Variants in ERCC6L2 observed in about 807,000 individuals in gnomAD.
ERCC6L2 encodes the protein ERCC excision repair 6 like 2.
ERCC6L2 carries 77 observed loss-of-function variants against 132.0 expected under a neutral mutation model. The ratio of observed to expected loss-of-function variants is 0.58; its 90% CI spans 0.49 to 0.71. The LOEUF is 0.71. ERCC6L2 is among the 30% of genes least tolerant of loss of function. The pLI, the probability that ERCC6L2 is intolerant of heterozygous loss-of-function variation, is 0.00. For synonymous variants in ERCC6L2, 583 were observed against 632.4 expected (o/e 0.92, Z 1.17); for missense variants, 1,542 against 1,837.6 (o/e 0.84, Z 2.94).
chr9:95,941,390 A>T, intron 11 of ERCC6L2, 64 bp from the exon 12 acceptor site: 6 of 1,179,144 alleles, frequency 5.1e-6, no homozygotes, highest in Non-Finnish European at 7.5e-6. Flanking sequence ...GGCACAGTTG[A>T]GTTATAGCAC....
chr9:95,887,821 T>G (rs543952106), intron 2 of ERCC6L2, among the ~76,000 whole-genome samples: 1 of 152,314 alleles, frequency 6.6e-6, no homozygotes, highest in Admixed American at 6.5e-5. Context: ...TGTTATTCAC[T>G]CAGGAATATA....
At chr9:95,975,041 A>G (rs1205358397) in intron 16 of ERCC6L2, among the ~76,000 whole-genome samples, 1 of 152,122 alleles carries the variant, frequency 6.6e-6, no homozygotes, top group East Asian at 1.9e-4. Context: ...AAATAACAGT[A>G]CTACCTCCAT....
chr9:95,908,676 A>G (rs1162985834), intron 4 of ERCC6L2, among the ~76,000 whole-genome samples: 1 of 152,090 alleles, frequency 6.6e-6, no homozygotes, highest in Non-Finnish European at 1.5e-5. Flanking sequence ...CTTGTAGCCT[A>G]GATTTGTCTC....
intron 19 of ERCC6L2, among the ~76,000 whole-genome samples, chr9:96,026,885 ACAT>A (rs1834378026): frequency 7.8e-6 from 1 of 128,642 alleles, no homozygotes; most frequent in South Asian, 2.6e-4. Flanking sequence ...CACACACCAC[ACAT>A]ACCACAACAC....
intron 19 of ERCC6L2, among the ~76,000 whole-genome samples, chr9:96,029,074 G>A (rs1393337383): frequency 6.6e-6 from 1 of 152,084 alleles, no homozygotes; most frequent in Non-Finnish European, 1.5e-5. Context: ...GGAGGTCAAG[G>A]TGGGCGGATC....
intron 13 of ERCC6L2, among the ~76,000 whole-genome samples, chr9:95,962,196 A>C (rs1342502692): frequency 6.6e-6 from 1 of 152,126 alleles, no homozygotes; most frequent in Non-Finnish European, 1.5e-5. Context: ...AAATAAGACC[A>C]TTTGCATTGT....
At chr9:95,905,405 A>G (rs1272706436) in intron 3 of ERCC6L2, among the ~76,000 whole-genome samples, 1 of 152,190 alleles carries the variant, frequency 6.6e-6, no homozygotes, top group Non-Finnish European at 1.5e-5. Context: ...ATCTTCTGGA[A>G]TCTTAGGGCT....
intron 17 of ERCC6L2, among the ~76,000 whole-genome samples, chr9:95,990,975 C>G (rs762463240): frequency 8.5e-5 from 13 of 152,088 alleles, no homozygotes; most frequent in Non-Finnish European, 1.8e-4. Flanking sequence ...GTGATCTTTC[C>G]CTGAAGCCTG....
At chr9:95,958,902 T>C (rs1340607829) in intron 13 of ERCC6L2, among the ~76,000 whole-genome samples, 1 of 151,658 alleles carries the variant, frequency 6.6e-6, no homozygotes, top group Non-Finnish European at 1.5e-5. Flanking sequence ...GGAAGAACAT[T>C]CCATGCTCAC....
At chr9:95,918,397 TGA>T in intron 6 of ERCC6L2, 1 of 378,574 alleles carries the variant, frequency 2.6e-6, no homozygotes, top group Non-Finnish European at 5.3e-6. Flanking sequence ...TCCGCTGCCT[TGA>T]GAGAGATACT....
chr9:95,973,697 C>T (rs190185281), intron 16 of ERCC6L2, among the ~76,000 whole-genome samples: 1 of 152,268 alleles, frequency 6.6e-6, no homozygotes, highest in East Asian at 1.9e-4. Context: ...CCACCAGGTC[C>T]CTCCCATGAC....
In ERCC6L2 at chr9:95,972,150, A is replaced by G; in HGVS notation, c.2399A>G (p.Glu800Gly). The change falls in exon 16 of 19, where the codon GAA (glutamate) becomes GGA (glycine). Residue 800 changes from glutamate (E) to glycine (G), a missense_variant. Coordinates refer to ENST00000653738, the MANE Select transcript of ERCC6L2 (RefSeq NM_020207.7). ...CAGTGTGGTTTCTCGAAATTGCTTGAAACAAAATGTAAAGCAGTTGAGGAT... is the reference window on the plus strand; with the variant it reads ...CAGTGTGGTTTCTCGAAATTGCTTGGAACAAAATGTAAAGCAGTTGAGGAT... ...LLQCGFSKLLETKCKAVEDSD... is the reference protein window; with the variant it reads ...LLQCGFSKLLGTKCKAVEDSD... The G allele has an allele frequency of 7.7e-7, 1 of 1,304,258 alleles. No homozygotes were observed. Among genetic ancestry groups the G allele is most frequent in the East Asian group, 5.5e-5 (1 of 18,026 alleles). The allele number at this position is 1,304,258 out of a possible 1,614,324, so 80.8% of individuals were successfully genotyped here.
rs1463104553 is a variant in ERCC6L2, at chr9:95,928,870, AAAATT to A, written c.1751+12_1751+16del. 6.5e-7 allele frequency: 1 copy of A among 1,549,694 alleles called. No homozygotes were observed. The highest frequency in any genetic ancestry group is 1.2e-5 in the South Asian group (1 of 82,442). ...ATTTGCCTTGTCTCTACAATGTAAG[AAAATT>A]AAATTTAATAACTAGATTTTTATCC... On this transcript the variant is annotated splice_region_variant and intron_variant, in intron 11 of 18. Coordinates refer to ENST00000653738, the MANE Select transcript of ERCC6L2 (RefSeq NM_020207.7).
intron 12 of ERCC6L2, among the ~76,000 whole-genome samples, chr9:95,953,601 C>G (rs1831452886): frequency 6.7e-6 from 1 of 149,522 alleles, no homozygotes; most frequent in Admixed American, 6.7e-5. Flanking sequence ...AATGAAATTA[C>G]TGTGGATCAA....
At chr9:95,989,973 GAGAAGA>G (rs745780402) in intron 17 of ERCC6L2, among the ~76,000 whole-genome samples, 8 of 152,208 alleles carry the variant, frequency 5.3e-5, no homozygotes, top group Non-Finnish European at 1.2e-4. Context: ...GGCAGCTAGT[GAGAAGA>G]CCGGACTGAC....
intron 17 of ERCC6L2, among the ~76,000 whole-genome samples, chr9:95,984,741 A>C (rs551894796): frequency 6.6e-6 from 1 of 152,328 alleles, no homozygotes; most frequent in South Asian, 2.1e-4. Context: ...ATACTTTATG[A>C]ATAAATACTT....
chr9:95,909,614 T>C (rs1335811331), intron 4 of ERCC6L2, among the ~76,000 whole-genome samples: 1 of 152,236 alleles, frequency 6.6e-6, no homozygotes, highest in Non-Finnish European at 1.5e-5. Context: ...GATTCATTCA[T>C]GTTGAGGAGT....
At chr9:95,922,530 AT>A in intron 8 of ERCC6L2, 112 bp downstream of exon 8, 1 of 661,012 alleles carries the variant, frequency 1.5e-6, no homozygotes, top group East Asian at 2.9e-5. Context: ...GAGGAAACTG[AT>A]TTGCTTATTT....
chr9:96,038,983 C>T (rs1269915895), exon 20 of ERCC6L2: 1 of 454,884 alleles, frequency 2.2e-6, no homozygotes, highest in Non-Finnish European at 4.4e-6. Flanking sequence ...CAGAGGCCTC[C>T]TGCCCACAGC....
Sources: allele counts gnomAD v4.1 joint callset (sites outside exome capture counted in the v4.1 genomes callset), GRCh38; gene constraint gnomAD v4.1.1; transcripts MANE v1.5; gene names NCBI Gene and HGNC (gene_info 2026-07-23, HGNC 2026-07-21).